LRRC4C: variants seen among roughly 807,000 people sequenced by gnomAD.
The protein encoded by LRRC4C is leucine rich repeat containing 4C.
LRRC4C carries 5 observed loss-of-function variants against 33.6 expected under a neutral mutation model. The ratio of observed to expected loss-of-function variants is 0.15; its 90% CI spans 0.08 to 0.31. The LOEUF (loss-of-function observed/expected upper bound fraction) is 0.31. Ranked by LOEUF, LRRC4C falls within the 10% of genes least tolerant of loss-of-function variation. The pLI is 1.00. For synonymous variants in LRRC4C, 329 were observed against 302.0 expected, an observed-to-expected ratio of 1.09 and a Z score of -0.93; for missense variants, 560 against 796.7, an observed-to-expected ratio of 0.70 and a Z score of 3.58.
intron 2 of LRRC4C, among the ~76,000 whole-genome samples, chr11:40,871,336 T>C (rs778518398): frequency 2.0e-4 from 30 of 152,212 alleles, no homozygotes; most frequent in African/African-American, 3.9e-4. Flanking sequence ...TGAAAATCAC[T>C]AATAAAATCT....
intron 1 of LRRC4C, among the ~76,000 whole-genome samples, chr11:41,051,555 G>GAAAAAAAAAAAAAAAAAAAAAAAAAAAAA (rs1565337349): frequency 1.2e-5 from 1 of 82,788 alleles, no homozygotes; most frequent in Non-Finnish European, 2.4e-5. Flanking sequence ...AAAAAAAAAG[G>GAAAAAAAAAAAAAAAAAAAAAAAAAAAAA]AAAAATTAGT....
intron 2 of LRRC4C, among the ~76,000 whole-genome samples, chr11:40,888,704 A>G (rs970049652): frequency 2.6e-5 from 4 of 152,022 alleles, no homozygotes; most frequent in African/African-American, 9.6e-5. Flanking sequence ...GATTAACCAA[A>G]TTTCAAACTT....
chr11:41,181,766 G>A (rs1945461094), intron 1 of LRRC4C, among the ~76,000 whole-genome samples: 1 of 152,072 alleles, frequency 6.6e-6, no homozygotes, highest in Non-Finnish European at 1.5e-5. Flanking sequence ...CCATTAATGA[G>A]GTAAATCTAT....
chr11:40,287,803 C>T (rs377239096), intron 4 of LRRC4C, among the ~76,000 whole-genome samples: 14 of 152,112 alleles, frequency 9.2e-5, no homozygotes, highest in Admixed American at 1.3e-4. Flanking sequence ...TCTTTACTGA[C>T]GAAATGGCAT....
At chr11:41,171,808 A>T (rs1349999139) in intron 1 of LRRC4C, among the ~76,000 whole-genome samples, 3 of 152,108 alleles carry the variant, frequency 2.0e-5, no homozygotes, top group African/African-American at 7.2e-5. Context: ...TTACTTAACT[A>T]GAATTAGCAG....
intron 3 of LRRC4C, among the ~76,000 whole-genome samples, chr11:40,480,833 G>A (rs553639727): frequency 1.2e-4 from 18 of 151,982 alleles, no homozygotes; most frequent in Non-Finnish European, 1.8e-4. Context: ...GTCAGGCATA[G>A]AATGACCAAT....
At chr11:40,879,630 A>T (rs1357576482) in intron 2 of LRRC4C, among the ~76,000 whole-genome samples, 1 of 152,168 alleles carries the variant, frequency 6.6e-6, no homozygotes, top group Non-Finnish European at 1.5e-5. Flanking sequence ...AAACAGCAGC[A>T]AACAGACACA....
intron 3 of LRRC4C, among the ~76,000 whole-genome samples, chr11:40,530,626 A>G (rs1287242942): frequency 6.6e-6 from 1 of 152,186 alleles, no homozygotes; most frequent in Non-Finnish European, 1.5e-5. Flanking sequence ...GTAGCAACTC[A>G]TGGATTTGCT....
chr11:40,899,175 T>C (rs1956100984), intron 2 of LRRC4C, among the ~76,000 whole-genome samples: 1 of 152,124 alleles, frequency 6.6e-6, no homozygotes, highest in South Asian at 2.1e-4. Context: ...ATGCCTGAGC[T>C]GGAGTGAGGG....
intron 1 of LRRC4C, among the ~76,000 whole-genome samples, chr11:41,328,144 C>A (rs1344538000): frequency 1.3e-5 from 2 of 152,144 alleles, no homozygotes; most frequent in African/African-American, 4.8e-5. Context: ...TACTACTCTG[C>A]CACATTGATA....
chr11:40,435,765 A>G (rs1460869072), intron 3 of LRRC4C, among the ~76,000 whole-genome samples: 1 of 152,226 alleles, frequency 6.6e-6, no homozygotes, highest in Non-Finnish European at 1.5e-5. Flanking sequence ...ACAATATGCA[A>G]CTATTAACCC....
At chr11:41,161,389 A>G (rs868447908) in intron 1 of LRRC4C, among the ~76,000 whole-genome samples, 1 of 152,208 alleles carries the variant, frequency 6.6e-6, no homozygotes, top group Non-Finnish European at 1.5e-5. Context: ...AAACAATGTC[A>G]TAACATTCAT....
intron 2 of LRRC4C, among the ~76,000 whole-genome samples, chr11:40,663,889 A>T (rs780912888): frequency 3.3e-5 from 5 of 152,190 alleles, no homozygotes; most frequent in Non-Finnish European, 7.3e-5. Context: ...TGATTGCAGA[A>T]ATAAAGAGGA....
At chr11:41,368,657 G>GA (rs1952631339) in intron 1 of LRRC4C, among the ~76,000 whole-genome samples, 1 of 152,108 alleles carries the variant, frequency 6.6e-6, no homozygotes, top group South Asian at 2.1e-4. Context: ...AAAACATACG[G>GA]AAAAATCCTC....
At position 40,542,855 on chromosome 11, in the gene LRRC4C, CTG is replaced by C. The variant is rs557857714; in HGVS notation, c.-270+105285_-270+105286del. Among the ~76,000 whole-genome samples the C allele has an allele frequency of 1.2e-4, 19 of 152,140 alleles. No homozygotes were observed. In the East Asian group the frequency reaches 3.3e-3, roughly 26 times the overall value. On this transcript the variant is annotated intron_variant, in intron 3 of 6. Transcript: ENST00000528697. ...TATTTTCCCTCTCATATTTTATTGA[CTG>C]TTTTTGCTTTTGTGAATGTTTTTAC...
At chr11:41,013,437 A>T (rs1855355437) in intron 1 of LRRC4C, among the ~76,000 whole-genome samples, 1 of 152,206 alleles carries the variant, frequency 6.6e-6, no homozygotes, top group South Asian at 2.1e-4. Flanking sequence ...ATTAATGATA[A>T]TATGAATACA....
At chr11:40,928,071 A>T (rs1438248736) in intron 2 of LRRC4C, among the ~76,000 whole-genome samples, 3 of 152,034 alleles carry the variant, frequency 2.0e-5, no homozygotes. Context: ...ATTGTTTTTT[A>T]AAAAACCCTA....
In LRRC4C at chr11:40,433,838, TGAG is replaced by T. The variant is rs139916914; in HGVS notation, c.-269-114120_-269-114118del. Among the ~76,000 whole-genome samples, 1,111 of 152,164 alleles carry T rather than the reference TGAG, an allele frequency of 7.3e-3. 12 individuals are homozygous for T. The highest frequency in any genetic ancestry group is 0.025 in the African/African-American group (1,034 of 41,514). On this transcript the variant is annotated intron_variant, in intron 3 of 6. Coordinates refer to ENST00000528697, the MANE Select transcript of LRRC4C (RefSeq NM_001258419.2). ...CCAGCAGAGCGAGGTGTCCTGCAAA[TGAG>T]GAGAAGAAAGCATTTAAAGTAGGAA...
At chr11:40,512,234 T>A (rs1955353413) in intron 3 of LRRC4C, among the ~76,000 whole-genome samples, 1 of 152,020 alleles carries the variant, frequency 6.6e-6, no homozygotes, top group African/African-American at 2.4e-5. Flanking sequence ...AATTAGCCAG[T>A]TGTGGTGGTA....
Sources: gnomAD v4.1 joint callset for allele counts (sites outside exome capture counted in the v4.1 genomes callset) on GRCh38, gnomAD v4.1.1 for gene constraint, MANE v1.5 for transcripts, NCBI Gene and HGNC (gene_info 2026-07-23, HGNC 2026-07-21) for gene names.